The following PARD3 variants were observed in gnomAD, a reference collection of about 807,000 sequenced individuals.
PARD3 encodes partitioning defective 3 homolog.
PARD3 carries 75 observed loss-of-function variants against 155.4 expected under a neutral mutation model. The observed-to-expected ratio is 0.48, with a 90% CI of 0.40 to 0.58. PARD3 has a LOEUF of 0.58. PARD3 is among the 20% of genes least tolerant of loss of function. The probability of loss-of-function intolerance (pLI) is 0.00; values close to 1 mark genes in which losing one functional copy is unlikely to be tolerated. For missense variants in PARD3, 1,642 were observed against 1,721.7 expected, an observed-to-expected ratio of 0.95 and a Z score of 0.82; for synonymous variants, 576 against 610.5, an observed-to-expected ratio of 0.94 and a Z score of 0.83.
chr10:34,487,486 T>C (rs1249516071), intron 3 of PARD3, among the ~76,000 whole-genome samples: 3 of 152,110 alleles, frequency 2.0e-5, no homozygotes, highest in East Asian at 1.9e-4. Flanking sequence ...GTCTCAAGTA[T>C]TGAAAGGGCA....
intron 22 of PARD3, among the ~76,000 whole-genome samples, chr10:34,189,083 G>T (rs1158831155): frequency 6.6e-6 from 1 of 152,188 alleles, no homozygotes; most frequent in Non-Finnish European, 1.5e-5. Flanking sequence ...TGTAATCTCA[G>T]TGCTTTGGGA....
At chr10:34,744,369 G>A (rs368912697) in intron 1 of PARD3, among the ~76,000 whole-genome samples, 7 of 152,306 alleles carry the variant, frequency 4.6e-5, no homozygotes, top group Non-Finnish European at 8.8e-5. Flanking sequence ...CTTTTTCTAA[G>A]TTAATCCAAT....
intron 1 of PARD3, among the ~76,000 whole-genome samples, chr10:34,714,429 C>T (rs1448804215): frequency 6.6e-6 from 1 of 152,176 alleles, no homozygotes; most frequent in African/African-American, 2.4e-5. Flanking sequence ...AACTGCACCT[C>T]GTGGCATCTG....
chr10:34,815,153 C>A lies in PARD3; in HGVS notation c.-158G>T. 1.0e-5 allele frequency: 2 copies of A among 197,824 alleles called. No homozygotes were observed. The highest frequency in any genetic ancestry group is 3.2e-4 in the South Asian group (2 of 6,326). The allele number at this position is 197,824 out of a possible 1,614,324, so 12.3% of individuals were successfully genotyped here. A position where few individuals can be genotyped will look rare whatever the true frequency, so the allele number is the denominator to read the frequency against. Reference sequence around the variant, plus strand: ...GCGGCGGCGACGCCGGGGGGCCGCTCAGCTCGCATGCCCGGCCCGGCCGCC... The same window carrying A: ...GCGGCGGCGACGCCGGGGGGCCGCTAAGCTCGCATGCCCGGCCCGGCCGCC... On this transcript the variant is annotated 5_prime_UTR_variant, in exon 1 of 25. It introduces an in-frame stop codon into an upstream open reading frame of the 5' UTR. Coordinates refer to ENST00000374788, the MANE Select transcript of PARD3 (RefSeq NM_001184785.2).
At chr10:34,336,385 T>A in intron 17 of PARD3, 142 bp from the exon 18 acceptor site, 1 of 595,104 alleles carries the variant, frequency 1.7e-6, no homozygotes, top group Non-Finnish European at 3.0e-6. Flanking sequence ...AAGCAAACAT[T>A]CATAATCAAA....
chr10:34,363,411 T>G (rs753796422), intron 12 of PARD3, among the ~76,000 whole-genome samples: 1 of 152,232 alleles, frequency 6.6e-6, no homozygotes, highest in Non-Finnish European at 1.5e-5. Context: ...TTAAGAACAC[T>G]GATGTGAAAC....
chr10:34,578,969 T>C (rs1201010141), intron 2 of PARD3, among the ~76,000 whole-genome samples: 1 of 152,224 alleles, frequency 6.6e-6, no homozygotes, highest in Non-Finnish European at 1.5e-5. Flanking sequence ...AGATATCTGC[T>C]TATTCAAAGA....
intron 22 of PARD3, among the ~76,000 whole-genome samples, chr10:34,158,746 C>T (rs1025910061): frequency 1.3e-5 from 2 of 152,200 alleles, no homozygotes; most frequent in Admixed American, 1.3e-4. Context: ...CTACAAGTGG[C>T]TATTAAGCAC....
intron 22 of PARD3, among the ~76,000 whole-genome samples, chr10:34,211,685 C>T (rs1246816511): frequency 6.6e-6 from 1 of 151,924 alleles, no homozygotes; most frequent in Non-Finnish European, 1.5e-5. Flanking sequence ...GAGCGTGAGG[C>T]AGGAGAATTG....
chr10:34,612,366 G>A (rs1221029179), intron 2 of PARD3, among the ~76,000 whole-genome samples: 1 of 152,128 alleles, frequency 6.6e-6, no homozygotes, highest in African/African-American at 2.4e-5. Context: ...CTATCAGAGA[G>A]AAATTATTCT....
chr10:34,750,706 T>TTA (rs397969097), intron 1 of PARD3, among the ~76,000 whole-genome samples: 1 of 150,896 alleles, frequency 6.6e-6, no homozygotes, highest in Non-Finnish European at 1.5e-5. Flanking sequence ...TTTTTTTTTT[T>TTA]GAGATGGAGT....
At chr10:34,768,232 A>C (rs1383920415) in intron 1 of PARD3, among the ~76,000 whole-genome samples, 2 of 152,174 alleles carry the variant, frequency 1.3e-5, no homozygotes, top group Non-Finnish European at 2.9e-5. Context: ...CAGCCTCGGG[A>C]GGTCCTGATG....
At chr10:34,224,677 G>A (rs915777054) in intron 22 of PARD3, among the ~76,000 whole-genome samples, 1 of 152,210 alleles carries the variant, frequency 6.6e-6, no homozygotes, top group East Asian at 1.9e-4. Context: ...CAATCAATAG[G>A]GGGCCATGAA....
chr10:34,467,523 G>T (rs983010866), intron 4 of PARD3, among the ~76,000 whole-genome samples: 2 of 152,016 alleles, frequency 1.3e-5, no homozygotes, highest in African/African-American at 4.8e-5. Flanking sequence ...TGAGATGGGA[G>T]GAACACCCAA....
At chr10:34,660,590 C>T (rs773512338) in intron 2 of PARD3, among the ~76,000 whole-genome samples, 1 of 151,990 alleles carries the variant, frequency 6.6e-6, no homozygotes, top group East Asian at 1.9e-4. Context: ...ACAGCAAAAC[C>T]GGGCAAATAG....
chr10:34,124,371 A>G (rs1326566632), intron 23 of PARD3, among the ~76,000 whole-genome samples: 2 of 152,214 alleles, frequency 1.3e-5, no homozygotes, highest in East Asian at 1.9e-4. Context: ...CCATATTCTG[A>G]TAAGAGTAGC....
Position 34,304,016 on chromosome 10 carries a change from G to GCA in PARD3, c.3065+13089_3065+13090dup, listed in dbSNP as rs936711812. 4.7e-4 allele frequency among the ~76,000 whole-genome samples: 71 copies of GCA among 152,244 alleles called. 1 individual carries two copies. Among genetic ancestry groups the GCA allele is most frequent in the African/African-American group, 1.6e-3 (68 of 41,542 alleles). On this transcript the variant is annotated intron_variant, in intron 20 of 24. Transcript: ENST00000374788. ...GGGAACAGGAAGAGGCAGGGAATGCGCAGCACAGAGCCACCTAGAAGGAAG... is the reference window on the plus strand; with the variant it reads ...GGGAACAGGAAGAGGCAGGGAATGCGCACAGCACAGAGCCACCTAGAAGGAAG...
chr10:34,312,188 T>C, intron 20 of PARD3: 5 of 1,293,410 alleles, frequency 3.9e-6, no homozygotes, highest in South Asian at 1.6e-5. Flanking sequence ...AAGTTCCAAA[T>C]GGATTAATAA....
At chr10:34,778,358 G>T (rs547089302) in intron 1 of PARD3, among the ~76,000 whole-genome samples, 37 of 152,328 alleles carry the variant, frequency 2.4e-4, no homozygotes, top group African/African-American at 8.4e-4. Flanking sequence ...AAATCCACTT[G>T]TTTGGCAAGT....
Sources: allele counts gnomAD v4.1 joint callset (sites outside exome capture counted in the v4.1 genomes callset), GRCh38; gene constraint gnomAD v4.1.1; transcripts MANE v1.5; gene names NCBI Gene and HGNC (gene_info 2026-07-23, HGNC 2026-07-21).